The following TP63 variants were observed in gnomAD, a reference collection of about 807,000 sequenced individuals.
TP63 encodes the protein tumor protein 63.
In TP63, 17 loss-of-function variants were observed where a neutral mutation model predicts 82.8. That is an observed-to-expected ratio of 0.21 (90% confidence interval 0.14 to 0.31). The LOEUF (loss-of-function observed/expected upper bound fraction) is 0.31. TP63 is among the 10% of genes least tolerant of loss of function. The pLI is 1.00. For missense variants in TP63, 648 were observed against 895.3 expected (o/e 0.72, Z 3.52); for synonymous variants, 330 against 321.7 (o/e 1.03, Z -0.28).
At chr3:189,609,999 C>T in the TP63 span, among the ~76,000 whole-genome samples, 1,315 of 152,286 alleles carry the variant, frequency 8.6e-3, 25 homozygotes, top group African/African-American at 0.029. Flanking sequence ...CTCCCACCAA[C>T]GGAGTATGTG....
chr3:189,856,231 G>A (rs574451906), intron 4 of TP63, among the ~76,000 whole-genome samples: 12 of 151,158 alleles, frequency 7.9e-5, no homozygotes, highest in Admixed American at 6.6e-4. Context: ...TGGAACCCGT[G>A]AAACAAGCAG....
chr3:189,631,578 G>A lies in TP63; in HGVS notation c.62+1G>A, dbSNP rs751753050. 9 of 1,612,654 alleles carry A rather than the reference G, an allele frequency of 5.6e-6. No homozygotes were observed. On this transcript the variant is annotated splice_donor_variant, in intron 1 of 13. Transcript: ENST00000264731. LOFTEE classifies it high-confidence loss of function. ...ACTGCCCTGACCCTTACATCCAGCGGTGAGTTTGAATGTGACATAACTTCT... is the reference window on the plus strand; with the variant it reads ...ACTGCCCTGACCCTTACATCCAGCGATGAGTTTGAATGTGACATAACTTCT...
chr3:189,758,178 A>G (rs773228075), intron 3 of TP63, among the ~76,000 whole-genome samples: 2 of 152,196 alleles, frequency 1.3e-5, no homozygotes, highest in Non-Finnish European at 2.9e-5. Flanking sequence ...GGAGCACACA[A>G]CTTAGATCCC....
chr3:189,830,189 A>T (rs1712102013), intron 4 of TP63, among the ~76,000 whole-genome samples: 1 of 152,194 alleles, frequency 6.6e-6, no homozygotes, highest in Non-Finnish European at 1.5e-5. Flanking sequence ...TGACTAGGAG[A>T]ATCTGTCTAG....
At chr3:189,838,368 T>A (rs1040030778) in intron 4 of TP63, among the ~76,000 whole-genome samples, 1 of 152,214 alleles carries the variant, frequency 6.6e-6, no homozygotes, top group Non-Finnish European at 1.5e-5. Flanking sequence ...ATTCTAACTC[T>A]ATGGCACAAC....
intron 10 of TP63, chr3:189,881,555 T>A: frequency 1.0e-6 from 1 of 981,150 alleles, no homozygotes; most frequent in Non-Finnish European, 1.2e-6. Context: ...ACTAGAATAT[T>A]CTCATGTAAG....
At chr3:189,621,462 A>C in the TP63 span, among the ~76,000 whole-genome samples, 1 of 152,010 alleles carries the variant, frequency 6.6e-6, no homozygotes. Flanking sequence ...ACACACATAC[A>C]CACATGCATA....
rs1409830452 is a variant in TP63, at chr3:189,858,201, C to T, written c.580-6031C>T. On this transcript the variant is annotated intron_variant, in intron 4 of 13. Coordinates refer to ENST00000264731, the MANE Select transcript of TP63 (RefSeq NM_003722.5). ...CGGGCGGATCACGAGGTCAGGAGAT[C>T]GAGACCATCCTGGCTAACACGGTGA... Among the ~76,000 whole-genome samples, 156 of 67,116 alleles carry T rather than the reference C, an allele frequency of 2.3e-3. 55 individuals carry two copies. Among genetic ancestry groups the T allele is most frequent in the African/African-American group, 0.011 (147 of 13,184 alleles). 44.0% of individuals were successfully genotyped at this position (67,116 alleles called of 152,430 possible).
At chr3:189,815,870 A>C (rs372414116) in intron 4 of TP63, among the ~76,000 whole-genome samples, 1 of 152,196 alleles carries the variant, frequency 6.6e-6, no homozygotes, top group African/African-American at 2.4e-5. Context: ...CTCTTGCTGC[A>C]TTTAACTAAG....
rs549546383 is a variant in TP63, at chr3:189,715,864, T to G, written c.63-21876T>G. Reference sequence around the variant, plus strand: ...TCTAAGTCTACGTGAGCACTGAGGCTTCAGGAACTGAACCATGCTCTTCTG... The same window carrying G: ...TCTAAGTCTACGTGAGCACTGAGGCGTCAGGAACTGAACCATGCTCTTCTG... On this transcript the variant is annotated intron_variant, in intron 1 of 13. Transcript: ENST00000264731. 4.6e-5 allele frequency among the ~76,000 whole-genome samples: 7 copies of G among 152,338 alleles called. No individual in the cohort carries two copies. In the South Asian group the frequency reaches 1.4e-3, roughly 32 times the overall value.
At chr3:189,790,387 G>A (rs1448323135) in intron 3 of TP63, among the ~76,000 whole-genome samples, 5 of 152,006 alleles carry the variant, frequency 3.3e-5, no homozygotes, top group Admixed American at 2.0e-4. Context: ...CGTTTCTGTC[G>A]TCTGGAGGGT....
chr3:189,728,183 A>G (rs1719907271), intron 1 of TP63, among the ~76,000 whole-genome samples: 2 of 152,158 alleles, frequency 1.3e-5, no homozygotes, highest in Admixed American at 6.5e-5. Context: ...AAAAAAAAAA[A>G]AAAGGAGTAG....
intron 1 of TP63, among the ~76,000 whole-genome samples, chr3:189,718,648 A>T (rs1322201754): frequency 6.6e-6 from 1 of 151,858 alleles, no homozygotes; most frequent in South Asian, 2.1e-4. Flanking sequence ...TAGCAGGCTA[A>T]GTGTAAAGAC....
intron 9 of TP63, among the ~76,000 whole-genome samples, chr3:189,870,600 G>A (rs574368135): frequency 6.6e-6 from 1 of 152,074 alleles, no homozygotes; most frequent in Non-Finnish European, 1.5e-5. Flanking sequence ...TATGTAAATG[G>A]CCAGAAGTCT....
chr3:189,830,675 G>C lies in TP63; in HGVS notation c.579+22149G>C, dbSNP rs1577055589. ...TTGAGTAAAAGATGGATAAGGTAAG[G>C]TCTCCATTTAGAAATGTATAGTCTC... is the stretch of plus-strand genomic sequence containing the variant. On this transcript the variant is annotated intron_variant, in intron 4 of 13. Transcript: ENST00000264731. Among the ~76,000 whole-genome samples, 3 of 152,250 alleles carry C rather than the reference G, an allele frequency of 2.0e-5. No homozygotes were observed. The East Asian group carries it at 5.8e-4, about 29-fold the overall frequency.
the TP63 span, among the ~76,000 whole-genome samples, chr3:189,598,366 C>T: frequency 9.5e-4 from 140 of 148,024 alleles, 1 homozygote; most frequent in African/African-American, 3.3e-3. Context: ...GAAGGAAAGG[C>T]GAGGCAAGAG....
At chr3:189,669,339 T>C (rs2108668657) in intron 1 of TP63, among the ~76,000 whole-genome samples, 1 of 151,790 alleles carries the variant, frequency 6.6e-6, no homozygotes, top group African/African-American at 2.4e-5. Context: ...TAATTTGTAG[T>C]TAGCAGGTGT....
intron 1 of TP63, among the ~76,000 whole-genome samples, chr3:189,694,086 A>G (rs983989368): frequency 1.3e-5 from 2 of 152,230 alleles, no homozygotes; most frequent in South Asian, 2.1e-4. Context: ...CTTCCAGACT[A>G]TTAAACAGCG....
At chr3:189,835,473 T>G (rs562618869) in intron 4 of TP63, among the ~76,000 whole-genome samples, 1 of 152,242 alleles carries the variant, frequency 6.6e-6, no homozygotes, top group African/African-American at 2.4e-5. Flanking sequence ...CTTACCATGG[T>G]GTGTATATAC....
Sources: gnomAD v4.1 joint callset for allele counts (sites outside exome capture counted in the v4.1 genomes callset) on GRCh38, gnomAD v4.1.1 for gene constraint, MANE v1.5 for transcripts, NCBI Gene and HGNC (gene_info 2026-07-23, HGNC 2026-07-21) for gene names.